Variants in ATP10D observed in about 807,000 individuals in gnomAD.
ATP10D encodes the protein ATPase phospholipid transporting 10D (putative).
ATP10D carries 89 observed loss-of-function variants against 144.8 expected under a neutral mutation model. The observed-to-expected ratio is 0.61, with a 90% CI of 0.52 to 0.73. The LOEUF (loss-of-function observed/expected upper bound fraction) is 0.73, where lower values mean the gene tolerates loss of function less well. Ranked by LOEUF, ATP10D falls within the 30% of genes least tolerant of loss-of-function variation. The pLI is 0.00. For missense variants in ATP10D, 1,603 were observed against 1,714.8 expected, an observed-to-expected ratio of 0.93 and a Z score of 1.15; for synonymous variants, 571 against 615.1, an observed-to-expected ratio of 0.93 and a Z score of 1.06.
chr4:47,537,699 T>C (rs1717924210), intron 9 of ATP10D, among the ~76,000 whole-genome samples: 1 of 152,176 alleles, frequency 6.6e-6, no homozygotes, highest in Non-Finnish European at 1.5e-5. Flanking sequence ...TCTTATGAAA[T>C]TTTTCCTAAG....
chr4:47,591,182 C>T lies in ATP10D; in HGVS notation c.4082C>T (p.Ser1361Leu). The change falls in exon 23 of 23, where the codon TCA (serine) becomes TTA (leucine). Residue 1361 changes from serine (S) to leucine (L), a missense_variant. Transcript: ENST00000273859. ...GCTGGAAAGATGAATCAAGTGACATCAAAGTATGCTAACCAATCAGCTGGC... is the reference window on the plus strand; with the variant it reads ...GCTGGAAAGATGAATCAAGTGACATTAAAGTATGCTAACCAATCAGCTGGC... ...RGAGKMNQVTSKYANQSAGKS... is the reference protein window; with the variant it reads ...RGAGKMNQVTLKYANQSAGKS... The T allele has an allele frequency of 1.2e-6, 2 of 1,613,564 alleles. No individual in the cohort carries two copies.
At position 47,506,272 on chromosome 4, in the gene ATP10D, T is replaced by C. The variant is rs1309565443; in HGVS notation, c.-37-6232T>C. Among the ~76,000 whole-genome samples the C allele has an allele frequency of 2.0e-5, 3 of 152,218 alleles. 1 individual carries two copies. The highest frequency in any genetic ancestry group is 1.3e-4 in the Admixed American group (2 of 15,288). ...AAAACATTCTTTGAACTTTACTTTT[T>C]TCTCTGAAAAATGAAATGAAATTCC... is the stretch of plus-strand genomic sequence containing the variant. On this transcript the variant is annotated intron_variant, in intron 1 of 22. Coordinates refer to ENST00000273859, the MANE Select transcript of ATP10D (RefSeq NM_020453.4).
intron 2 of ATP10D, among the ~76,000 whole-genome samples, chr4:47,514,698 A>T (rs1191050677): frequency 6.6e-6 from 1 of 152,162 alleles, no homozygotes; most frequent in Non-Finnish European, 1.5e-5. Context: ...AAGAAGAAAT[A>T]GAAGAGTTAG....
At chr4:47,540,678 T>C (rs1718091131) in intron 9 of ATP10D, among the ~76,000 whole-genome samples, 1 of 152,226 alleles carries the variant, frequency 6.6e-6, no homozygotes, top group African/African-American at 2.4e-5. Flanking sequence ...ATATTTGAGA[T>C]AAGTAATGAA....
chr4:47,491,222 CCTTAA>C (rs1321123724), intron 1 of ATP10D: 3 of 763,826 alleles, frequency 3.9e-6, no homozygotes, highest in East Asian at 4.9e-5. Flanking sequence ...AGAATCTTGC[CCTTAA>C]CTTGTTTACA....
At chr4:47,535,761 A>T in intron 6 of ATP10D, 141 bp from the exon 7 acceptor site, 2 of 1,318,524 alleles carry the variant, frequency 1.5e-6, no homozygotes, top group South Asian at 3.1e-5. Context: ...TTCTAAATGG[A>T]TCACAAAAGC....
At chr4:47,558,312 A>C (rs1428955172) in intron 12 of ATP10D, 39 bp downstream of exon 12, 1 of 1,586,834 alleles carries the variant, frequency 6.3e-7, no homozygotes, top group Admixed American at 1.7e-5. Flanking sequence ...TGATTTGAAA[A>C]GCTCGGAGAT....
intron 1 of ATP10D, among the ~76,000 whole-genome samples, chr4:47,510,997 AT>A (rs1389519666): frequency 2.3e-4 from 35 of 152,168 alleles, no homozygotes; most frequent in Non-Finnish European, 4.9e-4. Flanking sequence ...TCTGTTATCT[AT>A]TGATTCACTT....
rs1719297247 is a variant in ATP10D at position 47,561,457 on chromosome 4, C to A, written c.2668+382C>A. ...TTATCTTTTTTTTGAATTCTCACAA[C>A]AAATCTCTATCTTATGTAGAGGAAA... On this transcript the variant is annotated intron_variant, in intron 14 of 22. Coordinates refer to ENST00000273859, the MANE Select transcript of ATP10D (RefSeq NM_020453.4). Among the ~76,000 whole-genome samples, 4 of 152,198 alleles carry A rather than the reference C, an allele frequency of 2.6e-5. No individual in the cohort carries two copies. In the South Asian group the frequency reaches 8.3e-4, roughly 32 times the overall value.
intron 10 of ATP10D, among the ~76,000 whole-genome samples, chr4:47,553,006 G>A (rs1171620152): frequency 1.3e-5 from 2 of 152,146 alleles, no homozygotes; most frequent in East Asian, 3.8e-4. Flanking sequence ...CTTATTCCAT[G>A]TTAACATTCA....
At chr4:47,589,382 C>A (rs1186835770) in intron 22 of ATP10D, among the ~76,000 whole-genome samples, 1 of 152,114 alleles carries the variant, frequency 6.6e-6, no homozygotes, top group Non-Finnish European at 1.5e-5. Context: ...TCTGCTATAA[C>A]AAATGCCTAA....
intron 4 of ATP10D, among the ~76,000 whole-genome samples, chr4:47,524,380 GATCCTCTGTGATTGAT>G (rs1294334481): frequency 3.3e-5 from 5 of 149,966 alleles, no homozygotes; most frequent in Non-Finnish European, 6.0e-5. Context: ...ATTTCATTTA[GATCCTCTGTGATTGAT>G]ATGCCTCCTA....
chr4:47,581,767 A>T (rs1174069382), intron 20 of ATP10D, among the ~76,000 whole-genome samples, 193 bp from the exon 21 acceptor site: 3 of 152,234 alleles, frequency 2.0e-5, no homozygotes, highest in Non-Finnish European at 4.4e-5. Flanking sequence ...GTTGAAAAAA[A>T]CTGAAGATTA....
In ATP10D at chr4:47,559,021, G is replaced by C. The variant is rs760099733; in HGVS notation, c.2533G>C (p.Ala845Pro). 4 of 1,613,426 alleles carry C rather than the reference G, an allele frequency of 2.5e-6. No individual in the cohort carries two copies. The highest frequency in any genetic ancestry group is 3.3e-5 in the Admixed American group (2 of 59,990). The change falls in exon 13 of 23, where the codon GCA becomes CCA. Residue 845 changes from alanine to proline, a missense_variant. Ala to Pro is a conservative substitution (Grantham distance 27). Coordinates refer to ENST00000273859, the MANE Select transcript of ATP10D (RefSeq NM_020453.4). ...ACAAGGCCTTCGTACTTTATGTATA[G>C]CAAAGAAGGTGAGACTGCTTAGTGC... ...AKQGLRTLCIAKKVMSDTEYA... is the reference protein window; with the variant it reads ...AKQGLRTLCIPKKVMSDTEYA...
Position 47,591,184 on chromosome 4 carries a change from A to C in ATP10D, c.4084A>C (p.Lys1362Gln), listed in dbSNP as rs773708029. 6.2e-7 allele frequency: 1 copy of C among 1,613,656 alleles called. No homozygotes were observed. The highest frequency in any genetic ancestry group is 1.1e-5 in the South Asian group (1 of 91,068). The change falls in exon 23 of 23, where the codon AAG becomes CAG. Residue 1362 changes from lysine (K) to glutamine (Q), a missense_variant. Lys to Gln is a moderately conservative substitution (Grantham distance 53). Transcript: ENST00000273859. The part of the protein sequence containing the change: ...GAGKMNQVTS[K>Q]YANQSAGKSG... ...TGGAAAGATGAATCAAGTGACATCA[A>C]AGTATGCTAACCAATCAGCTGGCAA...
intron 9 of ATP10D, among the ~76,000 whole-genome samples, chr4:47,543,264 G>A (rs4362797): frequency 0.65 from 99,090 of 152,044 alleles, 32,787 homozygotes; most frequent in East Asian, 0.98. Flanking sequence ...AATACTATCC[G>A]TGGTTTCAGA....
chr4:47,567,558 G>A (rs186353429), intron 15 of ATP10D, among the ~76,000 whole-genome samples: 1 of 152,264 alleles, frequency 6.6e-6, no homozygotes, highest in African/African-American at 2.4e-5. Context: ...TGATGTTAAT[G>A]TTTTCAATGA....
At chr4:47,542,347 T>A (rs1321981062) in intron 9 of ATP10D, among the ~76,000 whole-genome samples, 1 of 152,066 alleles carries the variant, frequency 6.6e-6, no homozygotes, top group African/African-American at 2.4e-5. Flanking sequence ...TCTGCCAGCC[T>A]CGGCCTCCCA....
chr4:47,490,930 C>CTT, intron 1 of ATP10D: 120 of 408,282 alleles, frequency 2.9e-4, no homozygotes, highest in East Asian at 5.3e-4. Context: ...GCAAATACAT[C>CTT]TTTTTTTTTT....
Sources: gnomAD v4.1 joint callset for allele counts (sites outside exome capture counted in the v4.1 genomes callset) on GRCh38, gnomAD v4.1.1 for gene constraint, MANE v1.5 for transcripts, NCBI Gene and HGNC (gene_info 2026-07-23, HGNC 2026-07-21) for gene names.